The following COPG2 variants were observed in gnomAD, a reference collection of about 807,000 sequenced individuals.
COPG2 encodes the protein coat protein complex I subunit gamma 2, also known as coatomer subunit gamma-2.
A neutral mutation model predicts 46.3 loss-of-function variants in COPG2; 37 were observed. The ratio of observed to expected loss-of-function variants is 0.80; its 90% CI spans 0.61 to 1.05. The LOEUF is 1.05. Among genes scored for constraint, COPG2 ranks in the 50% least tolerant of loss-of-function variants. The probability of loss-of-function intolerance (pLI) is 0.00; values close to 1 mark genes in which losing one functional copy is unlikely to be tolerated. For missense variants in COPG2, 427 were observed against 387.8 expected (o/e 1.10, Z -0.85); for synonymous variants, 159 against 129.7 (o/e 1.23, Z -1.53).
intron 14 of COPG2, 118 bp from the exon 15 acceptor site, chr7:130,552,548 T>TA (rs1365106621): frequency 7.6e-6 from 3 of 393,872 alleles, no homozygotes; most frequent in African/African-American, 6.2e-5. Flanking sequence ...ACTCCCTTGT[T>TA]TTATTGAGTG....
intron 5 of COPG2, among the ~76,000 whole-genome samples, chr7:130,630,813 A>C (rs1795214402): frequency 6.6e-6 from 1 of 152,032 alleles, no homozygotes; most frequent in African/African-American, 2.4e-5. Flanking sequence ...TTTTACTTCT[A>C]ATCTATTTGT....
intron 10 of COPG2, among the ~76,000 whole-genome samples, 192 bp from the exon 11 acceptor site, chr7:130,563,528 A>T (rs1409210378): frequency 6.6e-6 from 1 of 151,978 alleles, no homozygotes; most frequent in Admixed American, 6.6e-5. Flanking sequence ...AAAATATAGT[A>T]CATAATGAAT....
intron 9 of COPG2, among the ~76,000 whole-genome samples, chr7:130,586,182 T>C (rs564938660): frequency 2.4e-4 from 36 of 152,140 alleles, no homozygotes; most frequent in African/African-American, 7.0e-4. Context: ...CTGGATGAGA[T>C]TGGAGACTAT....
At chr7:130,518,964 C>T (rs915194477) in intron 20 of COPG2, among the ~76,000 whole-genome samples, 2 of 148,990 alleles carry the variant, frequency 1.3e-5, no homozygotes, top group East Asian at 3.9e-4. Flanking sequence ...CGAGATGGCA[C>T]CACTGCACTC....
At chr7:130,623,494 C>G (rs1795070378) in intron 5 of COPG2, among the ~76,000 whole-genome samples, 1 of 152,164 alleles carries the variant, frequency 6.6e-6, no homozygotes, top group African/African-American at 2.4e-5. Flanking sequence ...GTAGAGCTAG[C>G]TTCCTCTCCC....
intron 5 of COPG2, among the ~76,000 whole-genome samples, chr7:130,651,143 C>A (rs939761795): frequency 2.0e-5 from 3 of 152,060 alleles, no homozygotes; most frequent in Admixed American, 1.3e-4. Context: ...ATTAAAAAGG[C>A]AACTATTTTA....
At chr7:130,586,834 T>C (rs951793684) in intron 9 of COPG2, among the ~76,000 whole-genome samples, 2 of 152,128 alleles carry the variant, frequency 1.3e-5, no homozygotes, top group African/African-American at 4.8e-5. Context: ...TTCCTATCTA[T>C]AAGTGGCACC....
At chr7:130,589,054 ATAAT>A (rs782233757) in intron 9 of COPG2, among the ~76,000 whole-genome samples, 29 of 152,160 alleles carry the variant, frequency 1.9e-4, no homozygotes, top group Non-Finnish European at 3.2e-4. Flanking sequence ...TCATGAAACA[ATAAT>A]TAATTCCTGA....
At chr7:130,583,702 G>C (rs1554447569) in intron 9 of COPG2, among the ~76,000 whole-genome samples, 3 of 148,964 alleles carry the variant, frequency 2.0e-5, no homozygotes, top group African/African-American at 7.4e-5. Flanking sequence ...CTACTTGGGA[G>C]GCTGAGGCAG....
intron 10 of COPG2, 135 bp downstream of exon 10, chr7:130,564,125 G>A (rs1793763692): frequency 5.0e-6 from 2 of 396,182 alleles, no homozygotes; most frequent in Admixed American, 8.8e-5. Flanking sequence ...CTACATATAA[G>A]CTATCAGAAT....
At chr7:130,578,247 T>G (rs1205852617) in intron 9 of COPG2, among the ~76,000 whole-genome samples, 1 of 150,106 alleles carries the variant, frequency 6.7e-6, no homozygotes, top group African/African-American at 2.5e-5. Context: ...CACTGACACC[T>G]CACACAGCAG....
intron 20 of COPG2, chr7:130,510,834 C>T (rs987221400): frequency 5.5e-5 from 27 of 486,578 alleles, no homozygotes; most frequent in African/African-American, 2.4e-4. Context: ...CGAAATGGGG[C>T]GAGGAGGCAA....
chr7:130,542,512 G>C (rs1793349623), intron 20 of COPG2, among the ~76,000 whole-genome samples: 1 of 152,146 alleles, frequency 6.6e-6, no homozygotes, highest in Non-Finnish European at 1.5e-5. Context: ...GGTGTCATCA[G>C]TGGGGGGCAG....
chr7:130,595,939 GCTA>G (rs1794519601), intron 9 of COPG2, among the ~76,000 whole-genome samples: 1 of 152,210 alleles, frequency 6.6e-6, no homozygotes, highest in Admixed American at 6.5e-5. Flanking sequence ...TGGAGTTACT[GCTA>G]CTTTCTTCCT....
At chr7:130,523,416 C>T (rs955564578) in intron 20 of COPG2, among the ~76,000 whole-genome samples, 14 of 152,106 alleles carry the variant, frequency 9.2e-5, no homozygotes, top group African/African-American at 3.1e-4. Context: ...TCTGATAGGC[C>T]GCCTTGGGGT....
intron 3 of COPG2, among the ~76,000 whole-genome samples, chr7:130,664,064 A>G (rs1036757685): frequency 1.3e-5 from 2 of 152,130 alleles, no homozygotes. Flanking sequence ...CTAACAAGTG[A>G]TGCAAATGCT....
chr7:130,626,192 T>C (rs1311429395), intron 5 of COPG2, among the ~76,000 whole-genome samples: 2 of 152,160 alleles, frequency 1.3e-5, no homozygotes, highest in East Asian at 3.8e-4. Flanking sequence ...CTATATAGTC[T>C]ATAGATTCTG....
At chr7:130,661,700 GTAAC>G (rs1795984420) in intron 4 of COPG2, among the ~76,000 whole-genome samples, 1 of 152,276 alleles carries the variant, frequency 6.6e-6, no homozygotes, top group Non-Finnish European at 1.5e-5. Context: ...AAAGCCTTGG[GTAAC>G]TAACTAGTGG....
intron 9 of COPG2, among the ~76,000 whole-genome samples, chr7:130,575,295 T>C (rs1487141330): frequency 5.9e-5 from 9 of 152,102 alleles, no homozygotes; most frequent in African/African-American, 1.9e-4. Flanking sequence ...TCTTAAGAGT[T>C]GTGAGACAGA....
Sources: allele counts gnomAD v4.1 joint callset (sites outside exome capture counted in the v4.1 genomes callset), GRCh38; gene constraint gnomAD v4.1.1; transcripts MANE v1.5; gene names NCBI Gene and HGNC (gene_info 2026-07-23, HGNC 2026-07-21).